LY96: variants seen among roughly 807,000 people sequenced by gnomAD.
LY96 encodes lymphocyte antigen 96.
In LY96, 18 loss-of-function variants were observed where a neutral mutation model predicts 18.9. That is an observed-to-expected ratio of 0.95 (90% confidence interval 0.66 to 1.41). The LOEUF is 1.41. LY96 is among the 40% of genes most tolerant of loss of function. The pLI, the probability that LY96 is intolerant of heterozygous loss-of-function variation, is 0.00. For synonymous variants in LY96, 66 were observed against 62.6 expected, an observed-to-expected ratio of 1.06 and a Z score of -0.26; for missense variants, 175 against 182.4, an observed-to-expected ratio of 0.96 and a Z score of 0.23.
At chr8:74,037,183 C>T in the LY96 span, among the ~76,000 whole-genome samples, 4 of 152,078 alleles carry the variant, frequency 2.6e-5, no homozygotes. Context: ...TAGGTTGGCT[C>T]AATCAGAAGG....
the LY96 span, among the ~76,000 whole-genome samples, chr8:74,051,905 G>A: frequency 5.9e-4 from 90 of 152,070 alleles, 2 homozygotes; most frequent in Middle Eastern, 3.4e-3. Flanking sequence ...AAGACAGTGG[G>A]GTTCAATTTT....
chr8:73,996,371 TC>T (rs200740482), intron 1 of LY96, among the ~76,000 whole-genome samples: 6,067 of 100,554 alleles, frequency 0.06, 249 homozygotes, highest in African/African-American at 0.11. Flanking sequence ...CTTCCTTCAT[TC>T]CTTTCTTTCT....
chr8:74,031,871 C>CG (rs1472361086), downstream of LY96, among the ~76,000 whole-genome samples: 5 of 151,356 alleles, frequency 3.3e-5, no homozygotes, highest in African/African-American at 9.8e-5. Flanking sequence ...TGCCTGTAAT[C>CG]GCACCACTTT....
chr8:74,021,815 G>GT (rs1034439447), intron 3 of LY96, among the ~76,000 whole-genome samples: 10 of 151,980 alleles, frequency 6.6e-5, no homozygotes, highest in Admixed American at 4.6e-4. Flanking sequence ...GCAAACTATT[G>GT]TAAGGACAGA....
the LY96 span, among the ~76,000 whole-genome samples, chr8:74,075,611 A>G: frequency 6.6e-6 from 1 of 152,212 alleles, no homozygotes; most frequent in Non-Finnish European, 1.5e-5. Flanking sequence ...CTTAATGGAA[A>G]TGTATCGATA....
At chr8:74,042,973 C>A in the LY96 span, among the ~76,000 whole-genome samples, 1 of 151,932 alleles carries the variant, frequency 6.6e-6, no homozygotes, top group Non-Finnish European at 1.5e-5. Flanking sequence ...AGACGGGGTT[C>A]CCCATGTTGG....
intron 1 of LY96, among the ~76,000 whole-genome samples, chr8:73,996,325 C>CTTCT (rs1816125670): frequency 1.1e-5 from 1 of 92,592 alleles, no homozygotes; most frequent in Non-Finnish European, 2.4e-5. Context: ...CTTTTCCTTC[C>CTTCT]TTCCTTCCTT....
the LY96 span, among the ~76,000 whole-genome samples, chr8:74,054,628 C>T: frequency 2.6e-3 from 264 of 102,368 alleles, 1 homozygote; most frequent in African/African-American, 9.8e-3. Context: ...TTCTTTCTTT[C>T]TTTCTTTCTT....
chr8:74,012,906 G>A (rs897230191), intron 3 of LY96, among the ~76,000 whole-genome samples: 4 of 151,440 alleles, frequency 2.6e-5, no homozygotes, highest in African/African-American at 4.9e-5. Context: ...ATATGTTATT[G>A]GTTTTAACTA....
At chr8:74,048,225 C>T in the LY96 span, among the ~76,000 whole-genome samples, 1 of 152,148 alleles carries the variant, frequency 6.6e-6, no homozygotes, top group Admixed American at 6.5e-5. Flanking sequence ...TACATTCTTA[C>T]TCTAGGCTCT....
chr8:74,013,362 A>G (rs561021420), intron 3 of LY96, among the ~76,000 whole-genome samples: 48 of 152,214 alleles, frequency 3.2e-4, no homozygotes, highest in African/African-American at 1.2e-3. Context: ...ACCTCAGGCC[A>G]TCTGCCTGCC....
chr8:74,005,959 C>T (rs865842499), intron 2 of LY96, among the ~76,000 whole-genome samples: 7 of 152,114 alleles, frequency 4.6e-5, no homozygotes, highest in South Asian at 2.1e-4. Flanking sequence ...CATTTTCCCC[C>T]GATTTTAGTT....
the LY96 span, among the ~76,000 whole-genome samples, chr8:74,093,901 G>A: frequency 1.3e-5 from 2 of 152,130 alleles, no homozygotes; most frequent in African/African-American, 2.4e-5. Flanking sequence ...GTTAAGCACA[G>A]ATTCTAATTA....
At chr8:74,084,675 A>C in the LY96 span, among the ~76,000 whole-genome samples, 2 of 152,082 alleles carry the variant, frequency 1.3e-5, no homozygotes, top group Non-Finnish European at 2.9e-5. Context: ...GTACAGTGGC[A>C]CAATCTCGGC....
the LY96 span, among the ~76,000 whole-genome samples, chr8:74,040,546 G>A: frequency 6.6e-6 from 1 of 152,060 alleles, no homozygotes; most frequent in Non-Finnish European, 1.5e-5. Context: ...TCATTTTTCT[G>A]CTTATGGATA....
intron 3 of LY96, among the ~76,000 whole-genome samples, chr8:74,024,120 T>C (rs1816822319): frequency 6.6e-6 from 1 of 152,186 alleles, no homozygotes; most frequent in African/African-American, 2.4e-5. Flanking sequence ...ACCTAATAGT[T>C]GATCCTGAAG....
chr8:74,002,746 A>AT (rs34767907), intron 1 of LY96, among the ~76,000 whole-genome samples: 46,462 of 150,738 alleles, frequency 0.31, 7,282 homozygotes, highest in Admixed American at 0.36. Context: ...TAATTTTTGT[A>AT]TTTTTTTCAT....
At chr8:74,032,275 G>A (rs1339941963), downstream of LY96, among the ~76,000 whole-genome samples, 1 of 152,168 alleles carries the variant, frequency 6.6e-6, no homozygotes, top group Non-Finnish European at 1.5e-5. Flanking sequence ...TAAGGGAGGA[G>A]ACCACCCCTC....
At position 74,004,782 on chromosome 8, in the gene LY96, T is replaced by G. The variant is rs1319797572; in HGVS notation, c.113-14T>G. 2 of 1,545,804 alleles carry G rather than the reference T, an allele frequency of 1.3e-6. No homozygotes were observed. Among genetic ancestry groups the G allele is most frequent in the Non-Finnish European group, 1.8e-6 (2 of 1,121,550 alleles). On this transcript the variant is annotated splice_polypyrimidine_tract_variant and intron_variant, in intron 1 of 4. Coordinates refer to ENST00000284818, the MANE Select transcript of LY96 (RefSeq NM_015364.5). ...TTTGTAGTAATTTATTGACATTATC[T>G]TTATTGCTTTTAGATAAAATGCAAT... is the stretch of plus-strand genomic sequence containing the variant.
Sources: gnomAD v4.1 joint callset for allele counts (sites outside exome capture counted in the v4.1 genomes callset) on GRCh38, gnomAD v4.1.1 for gene constraint, MANE v1.5 for transcripts, NCBI Gene and HGNC (gene_info 2026-07-23, HGNC 2026-07-21) for gene names.